FRMD4A: variants seen among roughly 807,000 people sequenced by gnomAD.
FRMD4A encodes FERM domain-containing protein 4A.
FRMD4A carries 29 observed loss-of-function variants against 129.1 expected under a neutral mutation model. The ratio of observed to expected loss-of-function variants is 0.22; its 90% CI spans 0.17 to 0.31. The LOEUF is 0.31. Among genes scored for constraint, FRMD4A ranks in the 10% least tolerant of loss-of-function variants. The probability of loss-of-function intolerance (pLI) is 1.00; values close to 1 mark genes in which losing one functional copy is unlikely to be tolerated. For synonymous variants in FRMD4A, 634 were observed against 571.6 expected, an observed-to-expected ratio of 1.11 and a Z score of -1.56; for missense variants, 1,272 against 1,375.8, an observed-to-expected ratio of 0.92 and a Z score of 1.19.
intron 24 of FRMD4A, 144 bp downstream of exon 24, chr10:13,651,759 T>C (rs1282179986): frequency 4.7e-6 from 3 of 633,114 alleles, no homozygotes; most frequent in East Asian, 5.4e-5. Context: ...GCTAAAAACA[T>C]AGTTCCAGTT....
chr10:13,788,230 C>T (rs2092914692), intron 5 of FRMD4A, among the ~76,000 whole-genome samples: 2 of 152,186 alleles, frequency 1.3e-5, no homozygotes, highest in South Asian at 4.1e-4. Context: ...CCCACCACCT[C>T]TCGGCTCTCA....
At chr10:14,081,807 G>C (rs569837190) in intron 2 of FRMD4A, among the ~76,000 whole-genome samples, 1 of 152,212 alleles carries the variant, frequency 6.6e-6, no homozygotes, top group Non-Finnish European at 1.5e-5. Context: ...CCAGCCTACT[G>C]TGGCAAATTC....
At chr10:14,234,673 A>G (rs1206366165) in intron 2 of FRMD4A, among the ~76,000 whole-genome samples, 1 of 152,238 alleles carries the variant, frequency 6.6e-6, no homozygotes, top group Non-Finnish European at 1.5e-5. Flanking sequence ...TGTTCTACAA[A>G]CAGAACCTGA....
intron 3 of FRMD4A, among the ~76,000 whole-genome samples, chr10:13,849,998 G>A (rs1012114985): frequency 1.6e-4 from 24 of 151,566 alleles, no homozygotes; most frequent in African/African-American, 5.3e-4. Context: ...GTGAAATCCC[G>A]CCTCTACTAA....
intron 2 of FRMD4A, among the ~76,000 whole-genome samples, chr10:13,934,887 TG>T (rs1019818001): frequency 2.6e-5 from 4 of 152,278 alleles, no homozygotes; most frequent in Non-Finnish European, 5.9e-5. Flanking sequence ...CTAACAGTTC[TG>T]GGGGCTGGGA....
chr10:14,220,348 C>A (rs1393251213), intron 2 of FRMD4A, among the ~76,000 whole-genome samples: 1 of 152,204 alleles, frequency 6.6e-6, no homozygotes. Flanking sequence ...TTGTCATGCT[C>A]ATTCAAAGAT....
intron 2 of FRMD4A, among the ~76,000 whole-genome samples, chr10:13,907,457 G>T (rs2094893867): frequency 6.6e-6 from 1 of 152,138 alleles, no homozygotes; most frequent in African/African-American, 2.4e-5. Flanking sequence ...AAGTTGCAAT[G>T]TTCAGTTCAA....
intron 2 of FRMD4A, among the ~76,000 whole-genome samples, chr10:14,018,355 C>G (rs868298976): frequency 3.4e-5 from 5 of 145,986 alleles, no homozygotes; most frequent in African/African-American, 1.3e-4. Context: ...ACTCAGGAGG[C>G]TGAGGCAGGA....
intron 3 of FRMD4A, among the ~76,000 whole-genome samples, chr10:13,825,345 C>T (rs549220693): frequency 3.9e-5 from 6 of 152,114 alleles, no homozygotes; most frequent in Non-Finnish European, 7.4e-5. Flanking sequence ...CCCCAAACCC[C>T]GGGCCGCAGA....
chr10:14,258,275 T>G (rs1844684491), intron 2 of FRMD4A, among the ~76,000 whole-genome samples: 1 of 150,416 alleles, frequency 6.6e-6, no homozygotes, highest in African/African-American at 2.4e-5. Flanking sequence ...AGTCACAGAC[T>G]GGGAGAAAAT....
chr10:13,903,466 T>C (rs1470707984), intron 2 of FRMD4A, among the ~76,000 whole-genome samples: 1 of 152,224 alleles, frequency 6.6e-6, no homozygotes, highest in South Asian at 2.1e-4. Context: ...TGGTGGCTTA[T>C]GCCTGTAATT....
intron 2 of FRMD4A, among the ~76,000 whole-genome samples, chr10:14,262,380 T>A (rs1844836149): frequency 6.6e-6 from 1 of 152,226 alleles, no homozygotes; most frequent in Non-Finnish European, 1.5e-5. Context: ...ATTGTGCATG[T>A]TAAAATTCCA....
At chr10:13,989,984 G>C (rs1349294331) in intron 2 of FRMD4A, among the ~76,000 whole-genome samples, 2 of 152,068 alleles carry the variant, frequency 1.3e-5, no homozygotes, top group Non-Finnish European at 2.9e-5. Flanking sequence ...GGATTCCAAG[G>C]GTCTCACTCT....
In FRMD4A at chr10:13,816,921, C is replaced by T. The variant is rs536727725; in HGVS notation, c.112-6013G>A. Among the ~76,000 whole-genome samples, 17 of 152,350 alleles carry T rather than the reference C, an allele frequency of 1.1e-4. No homozygotes were observed. The East Asian group carries it at 2.5e-3, about 22-fold the overall frequency. ...AATTAGCCTCTTGTGGGCCATCAGC[C>T]GTCCTGGCCCTAAGAGGTCATTACA... On this transcript the variant is annotated intron_variant, in intron 3 of 24. Coordinates refer to ENST00000357447, the MANE Select transcript of FRMD4A (RefSeq NM_018027.5).
At chr10:14,023,163 G>A (rs1832836791) in intron 2 of FRMD4A, among the ~76,000 whole-genome samples, 1 of 152,030 alleles carries the variant, frequency 6.6e-6, no homozygotes, top group African/African-American at 2.4e-5. Context: ...AACCCAGAAG[G>A]ACGCTCTCCC....
chr10:14,183,504 T>G (rs994758700), intron 2 of FRMD4A, among the ~76,000 whole-genome samples: 1 of 151,860 alleles, frequency 6.6e-6, no homozygotes, highest in Non-Finnish European at 1.5e-5. Flanking sequence ...TGCATTATCT[T>G]CATAGCTCTA....
intron 2 of FRMD4A, among the ~76,000 whole-genome samples, chr10:14,299,535 TTGTC>T (rs1003828421): frequency 6.6e-6 from 1 of 152,192 alleles, no homozygotes; most frequent in Non-Finnish European, 1.5e-5. Flanking sequence ...GTTGAGTAAT[TTGTC>T]TGTTGTCAAC....
chr10:13,783,358 A>C (rs2092781139), intron 5 of FRMD4A, among the ~76,000 whole-genome samples: 1 of 151,974 alleles, frequency 6.6e-6, no homozygotes, highest in Admixed American at 6.6e-5. Flanking sequence ...GTTTGTCCTA[A>C]ATTGTCATTG....
At chr10:13,773,433 C>T (rs780336785) in intron 6 of FRMD4A, among the ~76,000 whole-genome samples, 6 of 152,188 alleles carry the variant, frequency 3.9e-5, no homozygotes, top group Non-Finnish European at 8.8e-5. Flanking sequence ...CAGCCACTCA[C>T]GCCACCTAAC....
Sources: allele counts gnomAD v4.1 joint callset (sites outside exome capture counted in the v4.1 genomes callset), GRCh38; gene constraint gnomAD v4.1.1; transcripts MANE v1.5; gene names NCBI Gene and HGNC (gene_info 2026-07-23, HGNC 2026-07-21).